LACTB2: variants seen among roughly 807,000 people sequenced by gnomAD.
LACTB2 encodes the protein lactamase beta 2, also known as endoribonuclease LACTB2.
Under a neutral mutation model 34.8 loss-of-function variants are expected in LACTB2, and 32 were observed. The ratio of observed to expected loss-of-function variants is 0.92; its 90% CI spans 0.69 to 1.24. The LOEUF is 1.24. Among genes scored for constraint, LACTB2 ranks in the 50% most tolerant of loss-of-function variants. The probability of loss-of-function intolerance (pLI) is 0.00; values close to 1 mark genes in which losing one functional copy is unlikely to be tolerated. For synonymous variants in LACTB2, 120 were observed against 117.5 expected (o/e 1.02, Z -0.14); for missense variants, 320 against 345.0 (o/e 0.93, Z 0.57).
chr8:70,641,936 G>A (rs182998670), intron 4 of LACTB2, among the ~76,000 whole-genome samples: 75 of 152,314 alleles, frequency 4.9e-4, no homozygotes, highest in African/African-American at 1.5e-3. Context: ...ATCTCTCTAA[G>A]CTGTTTCTTC....
chr8:70,650,758 A>AAAAAAAAAAG (rs1818331423), intron 3 of LACTB2, among the ~76,000 whole-genome samples: 1 of 129,886 alleles, frequency 7.7e-6, no homozygotes, highest in African/African-American at 2.8e-5. Context: ...AAAAAAAAAA[A>AAAAAAAAAAG]GAAAAAAAAA....
chr8:70,638,891 C>T (rs1196773455), intron 5 of LACTB2, among the ~76,000 whole-genome samples: 3 of 150,164 alleles, frequency 2.0e-5, no homozygotes, highest in African/African-American at 7.3e-5. Context: ...AGGCGAGCAC[C>T]ACCACGCCCA....
intron 3 of LACTB2, chr8:70,653,593 G>A (rs1586787055): frequency 6.6e-6 from 1 of 152,298 alleles, no homozygotes; most frequent in East Asian, 1.9e-4. Context: ...TGCCTTCTGT[G>A]TGCTAGAGGT....
chr8:70,664,948 T>C (rs996631813), intron 1 of LACTB2, among the ~76,000 whole-genome samples: 5 of 152,224 alleles, frequency 3.3e-5, no homozygotes, highest in African/African-American at 1.2e-4. Flanking sequence ...TTCAAAACAC[T>C]GCCTCTCTAG....
chr8:70,660,452 CTGGTGATAT>C (rs1818467660), intron 2 of LACTB2: 1 of 368,376 alleles, frequency 2.7e-6, no homozygotes, highest in Non-Finnish European at 5.3e-6. Flanking sequence ...AACTGGCAGC[CTGGTGATAT>C]TGGGTGTGGT....
chr8:70,647,067 T>C (rs1369080815), intron 3 of LACTB2, among the ~76,000 whole-genome samples: 1 of 152,212 alleles, frequency 6.6e-6, no homozygotes, highest in Non-Finnish European at 1.5e-5. Flanking sequence ...CTACTTTGGG[T>C]TGGGCATTAT....
intron 3 of LACTB2, among the ~76,000 whole-genome samples, chr8:70,645,607 T>A (rs568120414): frequency 6.6e-6 from 1 of 151,714 alleles, no homozygotes; most frequent in Non-Finnish European, 1.5e-5. Flanking sequence ...AACTCGTCAT[T>A]TAACATTAGG....
chr8:70,661,780 T>A lies in LACTB2; in HGVS notation c.240A>T (p.Arg80=), dbSNP rs749550467. 10 of 1,613,674 alleles carry A rather than the reference T, an allele frequency of 6.2e-6. No individual in the cohort carries two copies. Among genetic ancestry groups the A allele is most frequent in the African/African-American group, 4.0e-5 (3 of 74,928 alleles). Residue 80 remains arginine, a synonymous_variant, in exon 2 of 7, where the codon CGA becomes CGT. Transcript: ENST00000276590. ...IQEIVVTHWH[R]DHSGGIGDIC... is the part of the protein sequence containing the mutation. Reference sequence around the variant, plus strand: ...TATCTCCTATGCCTCCAGAATGATCTCGGTGCCAGTGAGTCACTACAATTT... The same window carrying A: ...TATCTCCTATGCCTCCAGAATGATCACGGTGCCAGTGAGTCACTACAATTT...
At chr8:70,661,388 G>A (rs1233798502) in intron 2 of LACTB2, 3 of 282,578 alleles carry the variant, frequency 1.1e-5, no homozygotes, top group African/African-American at 6.7e-5. Context: ...GAGATAATCT[G>A]TTAGAATGTG....
intron 4 of LACTB2, among the ~76,000 whole-genome samples, chr8:70,641,601 G>A (rs562075995): frequency 3.0e-4 from 45 of 152,078 alleles, no homozygotes; most frequent in Non-Finnish European, 5.1e-4. Context: ...ATAAAATACT[G>A]CAAAAGGACA....
rs559706237 is a variant in LACTB2, at chr8:70,669,100, G to A, written c.21C>T (p.Arg7=). The A allele has an allele frequency of 6.9e-5, 111 of 1,610,230 alleles. 1 individual carries two copies. Among genetic ancestry groups the A allele is most frequent in the East Asian group, 3.4e-4 (15 of 44,746 alleles). Residue 7 remains arginine (R), a synonymous_variant, in exon 1 of 7, where the codon CGC becomes CGT. Coordinates refer to ENST00000276590, the MANE Select transcript of LACTB2 (RefSeq NM_016027.3). Reference sequence around the variant, plus strand: ...CGACTCGATTGGACAGCCGCTCGACGCGCTGCAGTACAGCAGCCATTCCCG... The same window carrying A: ...CGACTCGATTGGACAGCCGCTCGACACGCTGCAGTACAGCAGCCATTCCCG... MAAVLQ[R]VERLSNRVVR...
chr8:70,641,629 A>G (rs918335770), intron 4 of LACTB2, among the ~76,000 whole-genome samples: 1 of 152,204 alleles, frequency 6.6e-6, no homozygotes, highest in Non-Finnish European at 1.5e-5. Context: ...AAGCAGTTTC[A>G]TGTACATGAC....
At chr8:70,664,426 T>C (rs1818515351) in intron 1 of LACTB2, among the ~76,000 whole-genome samples, 1 of 152,194 alleles carries the variant, frequency 6.6e-6, no homozygotes, top group South Asian at 2.1e-4. Context: ...ACAGATCTTT[T>C]AGAATGCCTG....
rs373041032 is a variant in LACTB2 at position 70,669,148 on chromosome 8, C to A, written c.-28G>T. 5.6e-6 allele frequency: 9 copies of A among 1,610,594 alleles called. No individual in the cohort carries two copies. Among genetic ancestry groups the A allele is most frequent in the African/African-American group, 2.7e-5 (2 of 74,874 alleles). On this transcript the variant is annotated 5_prime_UTR_variant, in exon 1 of 7. Transcript: ENST00000276590. ...CCGCCTCAGCCGCCCGCCGGCGTGT[C>A]GCCTATCTGGATACTCCAGCGCGGA...
intron 5 of LACTB2, 137 bp downstream of exon 5, chr8:70,640,765 T>C: frequency 9.5e-7 from 1 of 1,054,558 alleles, no homozygotes; most frequent in Non-Finnish European, 1.3e-6. Flanking sequence ...CTGTAGAAAG[T>C]TTAGGCTGCT....
intron 3 of LACTB2, 50 bp from the exon 4 acceptor site, chr8:70,644,293 A>G: frequency 3.1e-6 from 4 of 1,301,906 alleles, no homozygotes; most frequent in Non-Finnish European, 4.1e-6. Context: ...ACTCGAGCTT[A>G]GAAGAAATTT....
At chr8:70,666,972 T>G (rs1246886351) in intron 1 of LACTB2, among the ~76,000 whole-genome samples, 3 of 152,156 alleles carry the variant, frequency 2.0e-5, no homozygotes, top group Non-Finnish European at 4.4e-5. Context: ...GAATTTGAAC[T>G]TGAGCTATAT....
intron 1 of LACTB2, among the ~76,000 whole-genome samples, chr8:70,664,783 C>T (rs1252568836): frequency 2.6e-5 from 4 of 152,156 alleles, no homozygotes; most frequent in Admixed American, 2.6e-4. Flanking sequence ...ATCCTCATAT[C>T]AACTCTAGGG....
At chr8:70,647,092 T>C (rs945072017) in intron 3 of LACTB2, among the ~76,000 whole-genome samples, 1 of 152,212 alleles carries the variant, frequency 6.6e-6, no homozygotes, top group Non-Finnish European at 1.5e-5. Flanking sequence ...CTCTCCATTT[T>C]ACATTTTACA....
Sources: gnomAD v4.1 joint callset for allele counts (sites outside exome capture counted in the v4.1 genomes callset) on GRCh38, gnomAD v4.1.1 for gene constraint, MANE v1.5 for transcripts, NCBI Gene and HGNC (gene_info 2026-07-23, HGNC 2026-07-21) for gene names.